SNX3: variants seen among roughly 807,000 people sequenced by gnomAD.
SNX3 encodes sorting nexin 3.
SNX3 carries 5 observed loss-of-function variants against 17.7 expected under a neutral mutation model. That is an observed-to-expected ratio of 0.28 (90% CI 0.15 to 0.59). The LOEUF (loss-of-function observed/expected upper bound fraction) is 0.59, where lower values mean the gene tolerates loss of function less well. SNX3 is among the 20% of genes least tolerant of loss of function. The pLI is 0.88. For missense variants in SNX3, 132 were observed against 206.8 expected (o/e 0.64, Z 2.22); for synonymous variants, 91 against 76.5 (o/e 1.19, Z -0.99).
chr6:108,242,348 C>T (rs1775546417), intron 1 of SNX3, among the ~76,000 whole-genome samples: 1 of 152,110 alleles, frequency 6.6e-6, no homozygotes, highest in Admixed American at 6.6e-5. Context: ...AGGATAAACA[C>T]AAAGAGATTC....
Position 108,260,799 on chromosome 6 carries a change from G to A in SNX3, c.123C>T (p.Val41=). Residue 41 remains valine, a synonymous_variant, in exon 1 of 4, where the codon GTC becomes GTT. Transcript: ENST00000230085. Reference sequence around the variant, plus strand: ...CGTAAGTGGTGAAGCGGCCCCGGCCGACCCCCACCGTTTGCGGGTTGCTCA... The same window carrying A: ...CGTAAGTGGTGAAGCGGCCCCGGCCAACCCCCACCGTTTGCGGGTTGCTCA... The part of the protein sequence containing the change: ...IDVSNPQTVG[V]GRGRFTTYEI... 4 of 1,613,904 alleles carry A rather than the reference G, an allele frequency of 2.5e-6. No individual in the cohort carries two copies. Among genetic ancestry groups the A allele is most frequent in the Non-Finnish European group, 3.4e-6 (4 of 1,179,852 alleles).
At position 108,223,541 on chromosome 6, in the gene SNX3, T is replaced by A. The variant is rs369987144; in HGVS notation, c.163-496A>T. Among the ~76,000 whole-genome samples the A allele has an allele frequency of 3.3e-4, 44 of 134,070 alleles. No individual in the cohort carries two copies. In the East Asian group the frequency reaches 5.0e-3, roughly 15 times the overall value. The allele number at this position is 134,070 out of a possible 152,430, so 88.0% of individuals were successfully genotyped here. A position where few individuals can be genotyped will look rare whatever the true frequency, so the allele number is the denominator to read the frequency against. On this transcript the variant is annotated intron_variant, in intron 1 of 3. Transcript: ENST00000230085. Reference sequence around the variant, plus strand: ...TTTTTTTTTTGAGACAGAATCTCACTGTCGCCCAGGCAGTGATGTGATCTT... The same window carrying A: ...TTTTTTTTTTGAGACAGAATCTCACAGTCGCCCAGGCAGTGATGTGATCTT...
At chr6:108,213,204 G>A (rs979659607) in intron 3 of SNX3, among the ~76,000 whole-genome samples, 1 of 151,946 alleles carries the variant, frequency 6.6e-6, no homozygotes, top group African/African-American at 2.4e-5. Flanking sequence ...CTATTTTAAA[G>A]AGGAGAAGAT....
At chr6:108,226,152 T>C (rs765427477) in intron 1 of SNX3, among the ~76,000 whole-genome samples, 18 of 151,750 alleles carry the variant, frequency 1.2e-4, no homozygotes, top group Non-Finnish European at 2.5e-4. Context: ...AGCAGAGGCA[T>C]GATCATGGCA....
At chr6:108,238,101 C>CAAAAAAAAAAAAAAA (rs11287104) in intron 1 of SNX3, among the ~76,000 whole-genome samples, 4 of 85,428 alleles carry the variant, frequency 4.7e-5, no homozygotes, top group Admixed American at 1.4e-4. Context: ...GATCCTGTCT[C>CAAAAAAAAAAAAAAA]AAAAAAAAAA....
chr6:108,216,918 T>C (rs1400716432), intron 2 of SNX3, among the ~76,000 whole-genome samples: 1 of 152,202 alleles, frequency 6.6e-6, no homozygotes, highest in African/African-American at 2.4e-5. Context: ...TATGCTAGCA[T>C]TCTCAGATCT....
intron 1 of SNX3, among the ~76,000 whole-genome samples, chr6:108,254,140 A>C (rs1484533142): frequency 6.6e-6 from 1 of 151,266 alleles, no homozygotes; most frequent in Non-Finnish European, 1.5e-5. Flanking sequence ...GAAAAAAAAA[A>C]AAACCGCCAC....
intron 1 of SNX3, among the ~76,000 whole-genome samples, chr6:108,242,733 T>C (rs534252048): frequency 2.0e-4 from 31 of 152,314 alleles, no homozygotes; most frequent in East Asian, 5.8e-4. Flanking sequence ...CCTAATCAGT[T>C]TGACTTTGAC....
At chr6:108,250,152 C>G (rs1775806689) in intron 1 of SNX3, among the ~76,000 whole-genome samples, 2 of 152,078 alleles carry the variant, frequency 1.3e-5, no homozygotes. Context: ...CTCAAGTGAT[C>G]CACCCACCTC....
chr6:108,212,299 T>A (rs764477390), intron 3 of SNX3, 45 bp from the exon 4 acceptor site: 2 of 1,321,572 alleles, frequency 1.5e-6, no homozygotes, highest in Non-Finnish European at 2.1e-6. Context: ...TTATACAAGG[T>A]GGGGGAGTTC....
At chr6:108,222,422 T>C in intron 2 of SNX3, 1 of 1,171,846 alleles carries the variant, frequency 8.5e-7, no homozygotes, top group Non-Finnish European at 1.1e-6. Flanking sequence ...AACAGTGTTT[T>C]TAAATTGCCG....
chr6:108,219,079 G>T (rs180802702), intron 2 of SNX3, among the ~76,000 whole-genome samples: 3 of 152,190 alleles, frequency 2.0e-5, no homozygotes, highest in Admixed American at 2.0e-4. Context: ...CGGTCGGGCG[G>T]GGTGGCTCAC....
At chr6:108,258,990 C>T (rs1337160837) in intron 1 of SNX3, among the ~76,000 whole-genome samples, 3 of 151,906 alleles carry the variant, frequency 2.0e-5, no homozygotes, top group Admixed American at 2.0e-4. Flanking sequence ...ACAGGAAGTA[C>T]CTGCTATGGA....
intron 1 of SNX3, among the ~76,000 whole-genome samples, chr6:108,223,783 T>G (rs1774891183): frequency 6.6e-6 from 1 of 152,240 alleles, no homozygotes; most frequent in South Asian, 2.1e-4. Context: ...CTTACAGGCC[T>G]GAGCCACTGC....
Position 108,235,083 on chromosome 6 carries a change from T to C in SNX3, c.163-12038A>G, listed in dbSNP as rs761176583. Among the ~76,000 whole-genome samples, 107 of 152,346 alleles carry C rather than the reference T, an allele frequency of 7.0e-4. 1 individual carries two copies. The highest frequency in any genetic ancestry group is 3.9e-3 in the Admixed American group (59 of 15,300). On this transcript the variant is annotated intron_variant, in intron 1 of 3. Coordinates refer to ENST00000230085, the MANE Select transcript of SNX3 (RefSeq NM_003795.6). ...TACTTTGGTAGCCTACAACAAACCA[T>C]GACACTCAATATTTAAATATCTTTT...
chr6:108,254,428 G>A lies in SNX3; in HGVS notation c.162+6332C>T, dbSNP rs140541199. 7.6e-3 allele frequency among the ~76,000 whole-genome samples: 1,160 copies of A among 152,188 alleles called. 10 individuals are homozygous for A. Among genetic ancestry groups the A allele is most frequent in the African/African-American group, 0.027 (1,109 of 41,516 alleles). On this transcript the variant is annotated intron_variant, in intron 1 of 3. Transcript: ENST00000230085. Reference sequence around the variant, plus strand: ...TACAATGAGCCCAGATTGCACCACCGTGCACTCTAGCTTGGGCAACAGAGT... The same window carrying A: ...TACAATGAGCCCAGATTGCACCACCATGCACTCTAGCTTGGGCAACAGAGT...
intron 1 of SNX3, among the ~76,000 whole-genome samples, chr6:108,259,711 C>G (rs1031521484): frequency 1.3e-5 from 2 of 152,182 alleles, no homozygotes; most frequent in African/African-American, 4.8e-5. Context: ...TGTATGTACA[C>G]TTAAAAATGG....
intron 1 of SNX3, among the ~76,000 whole-genome samples, chr6:108,259,268 T>C (rs1396257019): frequency 6.6e-6 from 1 of 152,070 alleles, no homozygotes; most frequent in Non-Finnish European, 1.5e-5. Flanking sequence ...GATTTTGCTC[T>C]TGTTGCCCAG....
intron 2 of SNX3, among the ~76,000 whole-genome samples, chr6:108,215,301 G>T (rs1314289696): frequency 6.7e-6 from 1 of 149,766 alleles, no homozygotes; most frequent in Non-Finnish European, 1.5e-5. Flanking sequence ...AGTGAGTGGA[G>T]ATCACGCCAC....
Sources: allele counts gnomAD v4.1 joint callset (sites outside exome capture counted in the v4.1 genomes callset), GRCh38; gene constraint gnomAD v4.1.1; transcripts MANE v1.5; gene names NCBI Gene and HGNC (gene_info 2026-07-23, HGNC 2026-07-21).